Variants in CYP2R1 observed in about 807,000 individuals in gnomAD.
CYP2R1 encodes cytochrome P450 family 2 subfamily R member 1, also known as vitamin D 25-hydroxylase.
In CYP2R1, 40 loss-of-function variants were observed where a neutral mutation model predicts 45.7. The ratio of observed to expected loss-of-function variants is 0.87; its 90% CI spans 0.68 to 1.14. CYP2R1 has a LOEUF of 1.14. Among genes scored for constraint, CYP2R1 ranks in the 50% most tolerant of loss-of-function variants. The probability of loss-of-function intolerance (pLI) is 0.00; values close to 1 mark genes in which losing one functional copy is unlikely to be tolerated. For missense variants in CYP2R1, 605 were observed against 602.6 expected, an observed-to-expected ratio of 1.00 and a Z score of -0.04; for synonymous variants, 234 against 219.3, an observed-to-expected ratio of 1.07 and a Z score of -0.59.
chr11:14,880,044 A>G, intron 3 of CYP2R1, 92 bp downstream of exon 3: 2 of 1,341,640 alleles, frequency 1.5e-6, no homozygotes, highest in East Asian at 2.4e-5. Flanking sequence ...AGGAGTTCCT[A>G]AAGAAAATGT....
chr11:14,890,991 C>T (rs541339742), intron 1 of CYP2R1: 2 of 985,466 alleles, frequency 2.0e-6, no homozygotes, highest in East Asian at 2.3e-4. Context: ...TTTTCTCTCT[C>T]CCACTCATCT....
intron 1 of CYP2R1, chr11:14,890,791 G>A (rs1021229821): frequency 9.6e-6 from 8 of 835,338 alleles, no homozygotes; most frequent in Non-Finnish European, 1.0e-5. Context: ...TTCGTGATCC[G>A]CCCGCCTCGG....
intron 2 of CYP2R1, among the ~76,000 whole-genome samples, chr11:14,883,215 T>C (rs1347147664): frequency 7.3e-5 from 11 of 151,202 alleles, no homozygotes; most frequent in East Asian, 1.9e-4. Flanking sequence ...AAAAAGAGCC[T>C]GCATCGCCAA....
Position 14,879,171 on chromosome 11 carries a change from A to G in CYP2R1, c.1273T>C (p.Phe425Leu), listed in dbSNP as rs1848273409. 2 of 1,613,270 alleles carry G rather than the reference A, an allele frequency of 1.2e-6. No individual in the cohort carries two copies. Among genetic ancestry groups the G allele is most frequent in the Non-Finnish European group, 1.7e-6 (2 of 1,179,508 alleles). The change falls in exon 4 of 5, where the codon TTT (phenylalanine) becomes CTT (leucine). Residue 425 changes from phenylalanine to leucine, a missense_variant. Phe to Leu is a conservative substitution (Grantham distance 22). Coordinates refer to ENST00000334636, the MANE Select transcript of CYP2R1 (RefSeq NM_024514.5). ...RDPEVFHPERFLDSSGYFAKK... is the reference protein window; with the variant it reads ...RDPEVFHPERLLDSSGYFAKK... ...GCAAAATATCCACTGCTGTCCAGAAATCGCTCAGGATGGAACACTTCTGGG... is the reference window on the plus strand; with the variant it reads ...GCAAAATATCCACTGCTGTCCAGAAGTCGCTCAGGATGGAACACTTCTGGG...
In CYP2R1 at chr11:14,878,300, A is replaced by C; in HGVS notation, c.1331-3T>G. The C allele has an allele frequency of 2.5e-6, 4 of 1,612,622 alleles. No homozygotes were observed. Among genetic ancestry groups the C allele is most frequent in the East Asian group, 4.5e-5 (2 of 44,868 alleles). On this transcript the variant is annotated splice_polypyrimidine_tract_variant and splice_region_variant and intron_variant, in intron 4 of 4. Transcript: ENST00000334636. ...TTCTCCAAGACAATGTCTTCTTCCT[A>C]AACAGAAAAAGCAGATACAATAATT... is the stretch of plus-strand genomic sequence containing the variant.
At chr11:14,884,844 G>A (rs751965392) in intron 2 of CYP2R1, among the ~76,000 whole-genome samples, 1 of 151,808 alleles carries the variant, frequency 6.6e-6, no homozygotes, top group East Asian at 1.9e-4. Flanking sequence ...TACTGTGATT[G>A]CATCATCTTT....
chr11:14,880,792 G>T, intron 2 of CYP2R1, 24 bp from the exon 3 acceptor site: 1 of 1,587,724 alleles, frequency 6.3e-7, no homozygotes, highest in Non-Finnish European at 8.6e-7. Flanking sequence ...TTAAAATATT[G>T]TATAATTCCT....
intron 1 of CYP2R1, among the ~76,000 whole-genome samples, chr11:14,889,484 A>G (rs1052954399): frequency 6.6e-6 from 1 of 152,206 alleles, no homozygotes; most frequent in Non-Finnish European, 1.5e-5. Context: ...AGTGAGGCAA[A>G]CAATGTCTAC....
At chr11:14,886,075 CCTT>C in intron 1 of CYP2R1, 158 bp from the exon 2 acceptor site, 1 of 707,586 alleles carries the variant, frequency 1.4e-6, no homozygotes, top group Non-Finnish European at 2.4e-6. Context: ...AGAGTGCCCT[CCTT>C]CTATAAGGCA....
In CYP2R1 at chr11:14,891,737, T is replaced by C. The variant is rs1159951645; in HGVS notation, c.225+244A>G. The C allele has an allele frequency of 2.0e-5, 27 of 1,327,488 alleles. No homozygotes were observed. In the East Asian group the frequency reaches 8.1e-4, roughly 40 times the overall value. 82.2% of individuals were successfully genotyped at this position (1,327,488 alleles called of 1,614,324 possible). A position where few individuals can be genotyped will look rare whatever the true frequency, so the allele number is the denominator to read the frequency against. On this transcript the variant is annotated intron_variant, in intron 1 of 4. Transcript: ENST00000334636. ...CGGTAGCGGGAAAATCAGGACTGGA[T>C]CGCCTCGGAGCCTCGGCCCGGAGTG...
upstream of CYP2R1, chr11:14,892,238 G>T (rs1555017511): frequency 1.3e-6 from 2 of 1,591,048 alleles, no homozygotes; most frequent in East Asian, 2.3e-5. Flanking sequence ...CTCCACAGCA[G>T]CCCTGAGACC....
At chr11:14,890,537 C>CTTTTTTTTTTTTTTTT (rs71044028) in intron 1 of CYP2R1, 1 of 64,272 alleles carries the variant, frequency 1.6e-5, no homozygotes, top group African/African-American at 6.8e-5. Flanking sequence ...TAGACCAATT[C>CTTTTTTTTTTTTTTTT]TTTTTTTTTT....
At chr11:14,884,550 A>C (rs1411644843) in intron 2 of CYP2R1, among the ~76,000 whole-genome samples, 1 of 85,954 alleles carries the variant, frequency 1.2e-5, no homozygotes, top group East Asian at 4.0e-4. Context: ...GGGGAGGGGG[A>C]GGGATAGCAT....
At chr11:14,888,862 A>G (rs1244619110) in intron 1 of CYP2R1, among the ~76,000 whole-genome samples, 1 of 152,222 alleles carries the variant, frequency 6.6e-6, no homozygotes, top group Non-Finnish European at 1.5e-5. Flanking sequence ...CCTGAAGTCC[A>G]TTACCTGAAA....
At chr11:14,881,213 A>C (rs1455961711) in intron 2 of CYP2R1, among the ~76,000 whole-genome samples, 1 of 152,098 alleles carries the variant, frequency 6.6e-6, no homozygotes, top group Non-Finnish European at 1.5e-5. Flanking sequence ...TTAGAAAATA[A>C]ATTTCCTCCC....
intron 1 of CYP2R1, 143 bp downstream of exon 1, chr11:14,891,838 C>A: frequency 7.1e-7 from 1 of 1,415,774 alleles, no homozygotes; most frequent in Non-Finnish European, 9.3e-7. Flanking sequence ...ACCCGGGAAG[C>A]GGGTGTCCCT....
chr11:14,891,256 G>T, intron 1 of CYP2R1: 1 of 985,156 alleles, frequency 1.0e-6, no homozygotes, highest in Non-Finnish European at 1.2e-6. Flanking sequence ...TCACCGGCTG[G>T]TTATGAGTTT....
chr11:14,886,763 A>T (rs1848635319), intron 1 of CYP2R1: 1 of 152,298 alleles, frequency 6.6e-6, no homozygotes, highest in Non-Finnish European at 1.5e-5. Context: ...AAATACTGAG[A>T]CAAGCCTTAT....
chr11:14,891,856 C>A, intron 1 of CYP2R1, 125 bp downstream of exon 1: 1 of 1,408,512 alleles, frequency 7.1e-7, no homozygotes, highest in Non-Finnish European at 9.4e-7. Context: ...CCTCAAAGGG[C>A]AGCCGGCACA....
Sources: gnomAD v4.1 joint callset for allele counts (sites outside exome capture counted in the v4.1 genomes callset) on GRCh38, gnomAD v4.1.1 for gene constraint, MANE v1.5 for transcripts, NCBI Gene and HGNC (gene_info 2026-07-23, HGNC 2026-07-21) for gene names.